DOCK2: variants seen among roughly 807,000 people sequenced by gnomAD.
DOCK2 encodes dedicator of cytokinesis protein 2.
A neutral mutation model predicts 248.9 loss-of-function variants in DOCK2; 87 were observed. That is an observed-to-expected ratio of 0.35 (90% CI 0.29 to 0.42). The LOEUF is 0.42. Ranked by LOEUF, DOCK2 falls within the 10% of genes least tolerant of loss-of-function variation. The pLI, the probability that DOCK2 is intolerant of heterozygous loss-of-function variation, is 1.00. For missense variants in DOCK2, 1,747 were observed against 2,300.2 expected, an observed-to-expected ratio of 0.76 and a Z score of 4.92; for synonymous variants, 805 against 821.6, an observed-to-expected ratio of 0.98 and a Z score of 0.35.
chr5:169,904,091 CAAAAA>C (rs57983281), intron 27 of DOCK2, among the ~76,000 whole-genome samples: 16 of 70,396 alleles, frequency 2.3e-4, no homozygotes, highest in Admixed American at 8.4e-4. Context: ...GACTTCGTCT[CAAAAA>C]AAAAAAAAAA....
At chr5:170,075,849 TA>T (rs1391684561) in intron 46 of DOCK2, 97 bp from the exon 47 acceptor site, 1 of 1,511,244 alleles carries the variant, frequency 6.6e-7, no homozygotes, top group Non-Finnish European at 9.0e-7. Flanking sequence ...GATGAATTCT[TA>T]GCAGGCAGAC....
chr5:169,899,241 C>T (rs993631187), intron 27 of DOCK2, among the ~76,000 whole-genome samples: 1 of 152,162 alleles, frequency 6.6e-6, no homozygotes, highest in Non-Finnish European at 1.5e-5. Context: ...CCTCCTTTTG[C>T]CTTCAGCACG....
intron 27 of DOCK2, among the ~76,000 whole-genome samples, chr5:169,921,785 TTG>T (rs1775187304): frequency 6.6e-6 from 1 of 152,228 alleles, no homozygotes; most frequent in Admixed American, 6.5e-5. Context: ...GTAAGCAGTG[TTG>T]TGACAGTCTT....
At chr5:169,780,295 ATGTG>A (rs3138738) in intron 25 of DOCK2, among the ~76,000 whole-genome samples, 34,499 of 137,296 alleles carry the variant, frequency 0.25, 4,258 homozygotes, top group South Asian at 0.35. Flanking sequence ...AACCCAATAA[ATGTG>A]TGTGTGTGTG....
chr5:170,049,930 G>A (rs987378711), intron 40 of DOCK2, among the ~76,000 whole-genome samples: 3 of 152,222 alleles, frequency 2.0e-5, no homozygotes, highest in Non-Finnish European at 4.4e-5. Flanking sequence ...GGGAAATGTT[G>A]TGGCCATGTA....
chr5:169,838,893 T>C (rs764354105), intron 26 of DOCK2, among the ~76,000 whole-genome samples: 42 of 152,190 alleles, frequency 2.8e-4, no homozygotes, highest in Non-Finnish European at 4.4e-4. Context: ...CTGAAAGTCA[T>C]TGGGGCAGGG....
At chr5:170,068,115 A>C (rs1757559665) in intron 45 of DOCK2, among the ~76,000 whole-genome samples, 2 of 152,184 alleles carry the variant, frequency 1.3e-5, no homozygotes, top group African/African-American at 4.8e-5. Context: ...GAAAAGCCAT[A>C]AAAACTAAGA....
intron 4 of DOCK2, 32 bp from the exon 5 acceptor site, chr5:169,671,046 T>C: frequency 6.2e-7 from 1 of 1,603,892 alleles, no homozygotes; most frequent in Non-Finnish European, 8.5e-7. Context: ...TGGGTCTCAA[T>C]TTCACACCAC....
intron 1 of DOCK2, among the ~76,000 whole-genome samples, chr5:169,639,589 C>G (rs1757038948): frequency 6.6e-6 from 1 of 152,210 alleles, no homozygotes; most frequent in African/African-American, 2.4e-5. Flanking sequence ...CTTCGGTGAT[C>G]AGGTCCACCT....
At chr5:169,678,111 GCA>G (rs902546690) in intron 6 of DOCK2, among the ~76,000 whole-genome samples, 1 of 152,122 alleles carries the variant, frequency 6.6e-6, no homozygotes, top group African/African-American at 2.4e-5. Flanking sequence ...TTCTTAACAA[GCA>G]CAGAGTTAAG....
chr5:169,848,669 G>A (rs1333136664), intron 27 of DOCK2, among the ~76,000 whole-genome samples: 1 of 152,172 alleles, frequency 6.6e-6, no homozygotes, highest in East Asian at 1.9e-4. Flanking sequence ...TTTATTTTGG[G>A]TAGTTAAAAT....
At chr5:170,011,391 G>C (rs1349327129) in intron 32 of DOCK2, among the ~76,000 whole-genome samples, 1 of 152,318 alleles carries the variant, frequency 6.6e-6, no homozygotes, top group East Asian at 1.9e-4. Flanking sequence ...CAGAGTGTTT[G>C]CTCTGAAGCA....
chr5:170,005,343 G>T (rs893844172), intron 30 of DOCK2, among the ~76,000 whole-genome samples: 6 of 152,176 alleles, frequency 3.9e-5, no homozygotes, highest in Non-Finnish European at 7.3e-5. Flanking sequence ...CTGGAGCCCA[G>T]CTGTATTCAA....
At chr5:169,798,069 A>G (rs1303580210) in intron 25 of DOCK2, among the ~76,000 whole-genome samples, 1 of 152,194 alleles carries the variant, frequency 6.6e-6, no homozygotes, top group Non-Finnish European at 1.5e-5. Context: ...GGTTTTGAGA[A>G]TCTGTAAAGC....
intron 22 of DOCK2, among the ~76,000 whole-genome samples, chr5:169,723,868 C>T (rs1228727884): frequency 6.6e-6 from 1 of 152,044 alleles, no homozygotes; most frequent in African/African-American, 2.4e-5. Flanking sequence ...ATGTCAGATC[C>T]ATCAGTACAG....
At chr5:169,844,598 T>C (rs895755940) in intron 27 of DOCK2, among the ~76,000 whole-genome samples, 1 of 152,282 alleles carries the variant, frequency 6.6e-6, no homozygotes, top group African/African-American at 2.4e-5. Context: ...TTTGAGGTTT[T>C]GTTTACCCAC....
At chr5:169,679,439 T>TA (rs1236011433) in intron 6 of DOCK2, among the ~76,000 whole-genome samples, 1 of 152,166 alleles carries the variant, frequency 6.6e-6, no homozygotes, top group African/African-American at 2.4e-5. Flanking sequence ...CTGTCAATCC[T>TA]ACCAAAGCTC....
chr5:169,955,989 C>A (rs573852478), intron 27 of DOCK2, among the ~76,000 whole-genome samples: 1 of 151,236 alleles, frequency 6.6e-6, no homozygotes, highest in African/African-American at 2.4e-5. Flanking sequence ...CAGGGTGTGG[C>A]TCTGGAGCTC....
Position 169,687,492 on chromosome 5 carries a change from G to A in DOCK2, c.762-1760G>A, listed in dbSNP as rs969965807. Among the ~76,000 whole-genome samples the A allele has an allele frequency of 3.3e-5, 5 of 151,264 alleles. No individual in the cohort carries two copies. In the East Asian group the frequency reaches 7.7e-4, roughly 23 times the overall value. On this transcript the variant is annotated intron_variant, in intron 8 of 51. Transcript: ENST00000520908. Reference sequence around the variant, plus strand: ...GAGATAAAACAAGCTCTAAAAGGAAGTCAAGTCCCTTTAATTTTGCTGAAT... The same window carrying A: ...GAGATAAAACAAGCTCTAAAAGGAAATCAAGTCCCTTTAATTTTGCTGAAT...
Sources: allele counts gnomAD v4.1 joint callset (sites outside exome capture counted in the v4.1 genomes callset), GRCh38; gene constraint gnomAD v4.1.1; transcripts MANE v1.5; gene names NCBI Gene and HGNC (gene_info 2026-07-23, HGNC 2026-07-21).